SLC66A2: variants seen among roughly 807,000 people sequenced by gnomAD.
SLC66A2 encodes solute carrier family 66 member 2.
Under a neutral mutation model 25.5 loss-of-function variants are expected in SLC66A2, and 23 were observed. The observed-to-expected ratio is 0.90, with a 90% CI of 0.65 to 1.28. SLC66A2 has a LOEUF of 1.28. SLC66A2 is among the 50% of genes most tolerant of loss of function. The pLI, the probability that SLC66A2 is intolerant of heterozygous loss-of-function variation, is 0.00. For synonymous variants in SLC66A2, 193 were observed against 166.5 expected (o/e 1.16, Z -1.23); for missense variants, 396 against 373.1 (o/e 1.06, Z -0.51).
intron 5 of SLC66A2, among the ~76,000 whole-genome samples, chr18:79,906,345 T>G (rs1180314994): frequency 6.6e-6 from 1 of 152,240 alleles, no homozygotes; most frequent in East Asian, 1.9e-4. Context: ...TTTGAGAACT[T>G]TTTTCTAAAA....
rs116557775 is a variant in SLC66A2, at chr18:79,915,174, G to A, written c.608+4010C>T. 2.0e-3 allele frequency among the ~76,000 whole-genome samples: 305 copies of A among 152,304 alleles called. 1 individual carries two copies. The highest frequency in any genetic ancestry group is 6.5e-3 in the African/African-American group (269 of 41,568). ...CTGGCTGTGCGTTCTAGCAGCAAACGCCTTATGTGTTCCAGTGGGAAAACC... is the reference window on the plus strand; with the variant it reads ...CTGGCTGTGCGTTCTAGCAGCAAACACCTTATGTGTTCCAGTGGGAAAACC... On this transcript the variant is annotated intron_variant, in intron 5 of 5. Coordinates refer to ENST00000397778, the MANE Select transcript of SLC66A2 (RefSeq NM_025078.5).
intron 3 of SLC66A2, chr18:79,935,325 G>A (rs1986974900): frequency 2.6e-5 from 4 of 152,394 alleles, no homozygotes; most frequent in South Asian, 2.1e-4. Context: ...GCTACCTGAG[G>A]CTCCTTGCCT....
At position 79,903,931 on chromosome 18, in the gene SLC66A2, C is replaced by T; in HGVS notation, c.*45G>A. The T allele has an allele frequency of 3.9e-6, 6 of 1,542,770 alleles. No homozygotes were observed. Among genetic ancestry groups the T allele is most frequent in the Non-Finnish European group, 5.2e-6 (6 of 1,142,964 alleles). ...CTCCCCGCGGGGAGGTCAGGGCCCA[C>T]CAGTGCCCGCGGCTGGCGGTCCCAC... On this transcript the variant is annotated 3_prime_UTR_variant, in exon 6 of 6. Transcript: ENST00000397778.
At chr18:79,948,499 C>T (rs75569710) in intron 2 of SLC66A2, among the ~76,000 whole-genome samples, 24 of 152,312 alleles carry the variant, frequency 1.6e-4, no homozygotes, top group African/African-American at 5.3e-4. Flanking sequence ...GCCCCCACAC[C>T]TAAGCTAATG....
intron 5 of SLC66A2, among the ~76,000 whole-genome samples, chr18:79,913,819 A>G (rs2123251832): frequency 6.6e-6 from 1 of 152,294 alleles, no homozygotes; most frequent in East Asian, 1.9e-4. Context: ...CGCCTCCCTC[A>G]CCTAGGGCAG....
At chr18:79,906,720 TC>T (rs1982177643) in intron 5 of SLC66A2, among the ~76,000 whole-genome samples, 1 of 152,240 alleles carries the variant, frequency 6.6e-6, no homozygotes, top group African/African-American at 2.4e-5. Flanking sequence ...ATTTTCTACA[TC>T]CTTGCTAACT....
chr18:79,917,363 C>T lies in SLC66A2; in HGVS notation c.608+1821G>A, dbSNP rs1465782377. Reference sequence around the variant, plus strand: ...CCTGGGGCCCCTGTGAGGTCACACACGGCCAGCTCCTTGTGAGGGGCCAGG... The same window carrying T: ...CCTGGGGCCCCTGTGAGGTCACACATGGCCAGCTCCTTGTGAGGGGCCAGG... On this transcript the variant is annotated intron_variant, in intron 5 of 5. Coordinates refer to ENST00000397778, the MANE Select transcript of SLC66A2 (RefSeq NM_025078.5). The surrounding 1 kb of genome is among the most constrained non-coding windows in gnomAD (Gnocchi z 6.0). Among the ~76,000 whole-genome samples the T allele has an allele frequency of 2.6e-5, 4 of 152,214 alleles. No homozygotes were observed. The highest frequency in any genetic ancestry group is 7.2e-5 in the African/African-American group (3 of 41,468).
rs189395595 is a variant in SLC66A2 at position 79,927,523 on chromosome 18, C to A, written c.391+6446G>T. ...AAATGCCCTTCTTAGCCTTCGAGGC[C>A]GGCACTGGCCTCGCTGACCCCTCTA... is the stretch of plus-strand genomic sequence containing the variant. On this transcript the variant is annotated intron_variant, in intron 4 of 5. Transcript: ENST00000397778. The surrounding 1 kb of genome is among the most constrained non-coding windows in gnomAD (Gnocchi z 6.2). Among the ~76,000 whole-genome samples, 3 of 152,170 alleles carry A rather than the reference C, an allele frequency of 2.0e-5. No homozygotes were observed. The highest frequency in any genetic ancestry group is 4.8e-5 in the African/African-American group (2 of 41,442).
Position 79,916,135 on chromosome 18 carries a change from TGCTCCCGTACCCGCGGC to T in SLC66A2, c.608+3032_608+3048del, listed in dbSNP as rs1984045693. On this transcript the variant is annotated intron_variant, in intron 5 of 5. Coordinates refer to ENST00000397778, the MANE Select transcript of SLC66A2 (RefSeq NM_025078.5). The stretch of plus-strand genomic sequence containing the variant: ...CTCCCGTACCCTCCCATACCCACGG[TGCTCCCGTACCCGCGGC>T]GCTCTCGTACCCGCAGTGCTCCCGT... Among the ~76,000 whole-genome samples, 36 of 95,014 alleles carry T rather than the reference TGCTCCCGTACCCGCGGC, an allele frequency of 3.8e-4. 1 individual carries two copies. The highest frequency in any genetic ancestry group is 7.8e-3 in the Middle Eastern group (1 of 128). The allele number at this position is 95,014 out of a possible 152,430, so 62.3% of individuals were successfully genotyped here.
chr18:79,942,510 C>A (rs1356939125), intron 3 of SLC66A2, among the ~76,000 whole-genome samples: 1 of 152,208 alleles, frequency 6.6e-6, no homozygotes, highest in Non-Finnish European at 1.5e-5. Flanking sequence ...GGCAAGAGCT[C>A]AAATCCACAG....
chr18:79,932,804 C>T (rs908970031), intron 4 of SLC66A2, among the ~76,000 whole-genome samples: 33 of 152,126 alleles, frequency 2.2e-4, no homozygotes, highest in Non-Finnish European at 4.7e-4. Context: ...AGATTGAATT[C>T]GTAATTTTAA....
At chr18:79,919,502 G>A (rs1984736131) in intron 4 of SLC66A2, 102 bp from the exon 5 acceptor site, 1 of 840,302 alleles carries the variant, frequency 1.2e-6, no homozygotes, top group Non-Finnish European at 1.9e-6. Context: ...CAAGGTCAGT[G>A]GGGAGAGACA....
rs141086964 is a variant in SLC66A2 at position 79,918,420 on chromosome 18, C to CG, written c.608+763dup. On this transcript the variant is annotated intron_variant, in intron 5 of 5. Coordinates refer to ENST00000397778, the MANE Select transcript of SLC66A2 (RefSeq NM_025078.5). This position sits in a 1 kb window ranked among gnomAD's most constrained non-coding sequence, Gnocchi z 4.0. ...GCGGATCCCCAGTGAGGAGCGGGCC[C>CG]GGGGGGGGGTCCCCAGTGAGGAGCG... is the stretch of plus-strand genomic sequence containing the variant. 0.21 allele frequency among the ~76,000 whole-genome samples: 23,186 copies of CG among 108,862 alleles called. 3,950 individuals are homozygous for CG. The highest frequency in any genetic ancestry group is 0.3 in the South Asian group (940 of 3,088). 71.4% of individuals were successfully genotyped at this position (108,862 alleles called of 152,430 possible).
chr18:79,934,757 A>C (rs1272696743), intron 3 of SLC66A2, among the ~76,000 whole-genome samples: 1 of 152,224 alleles, frequency 6.6e-6, no homozygotes, highest in Non-Finnish European at 1.5e-5. Context: ...AAGAGACTCA[A>C]ATAAGTCCTG....
chr18:79,947,866 G>A (rs573621064), intron 2 of SLC66A2, among the ~76,000 whole-genome samples: 138 of 152,248 alleles, frequency 9.1e-4, no homozygotes, highest in Middle Eastern at 3.4e-3. Context: ...AAACAGAAGG[G>A]GTCATCATCC....
intron 5 of SLC66A2, among the ~76,000 whole-genome samples, chr18:79,914,678 C>A (rs1983729546): frequency 6.6e-6 from 1 of 152,234 alleles, no homozygotes; most frequent in African/African-American, 2.4e-5. Context: ...GAAGACCACA[C>A]AGCAAGGGGG....
At chr18:79,933,315 T>G (rs1317666603) in intron 4 of SLC66A2, among the ~76,000 whole-genome samples, 1 of 152,130 alleles carries the variant, frequency 6.6e-6, no homozygotes, top group Non-Finnish European at 1.5e-5. Context: ...CTATGGAAAA[T>G]CCATTAACTA....
Position 79,919,319 on chromosome 18 carries a change from C to T in SLC66A2, c.473G>A (p.Gly158Asp). The T allele has an allele frequency of 6.2e-7, 1 of 1,613,270 alleles. No homozygotes were observed. The highest frequency in any genetic ancestry group is 8.5e-7 in the Non-Finnish European group (1 of 1,180,028). The change falls in exon 5 of 6, where the codon GGC (glycine) becomes GAC (aspartate). Residue 158 changes from glycine (G) to aspartate (D), a missense_variant. Gly to Asp is a moderately conservative substitution (Grantham distance 94, BLOSUM62 -1). Transcript: ENST00000397778. ...QCVLAFTGVA[G>D]YITYLSIDSA... is the part of the protein sequence containing the mutation. ...GTCAATGGACAGGTAGGTGATGTAG[C>T]CCGCCACGCCCGTGAAGGCCAGGAC...
rs529698561 is a variant in SLC66A2 at position 79,904,963 on chromosome 18, C to T, written c.609-780G>A. 6.6e-6 allele frequency among the ~76,000 whole-genome samples: 1 copy of T among 152,198 alleles called. No individual in the cohort carries two copies. Among genetic ancestry groups the T allele is most frequent in the African/African-American group, 2.4e-5 (1 of 41,456 alleles). On this transcript the variant is annotated intron_variant, in intron 5 of 5. Coordinates refer to ENST00000397778, the MANE Select transcript of SLC66A2 (RefSeq NM_025078.5). The surrounding 1 kb of genome is among the most constrained non-coding windows in gnomAD (Gnocchi z 6.3). Reference sequence around the variant, plus strand: ...GAAAGGACAGGACACAGCCCTCCCCCACCCTGGGGCGTCCGTCCCGCTCAT... The same window carrying T: ...GAAAGGACAGGACACAGCCCTCCCCTACCCTGGGGCGTCCGTCCCGCTCAT...
Sources: allele counts gnomAD v4.1 joint callset (sites outside exome capture counted in the v4.1 genomes callset), GRCh38; gene constraint gnomAD v4.1.1; non-coding constraint Gnocchi (gnomAD v3.1); transcripts MANE v1.5; gene names NCBI Gene and HGNC (gene_info 2026-07-23, HGNC 2026-07-21).